Variants in TMC1 observed in about 807,000 individuals in gnomAD.
The protein encoded by TMC1 is transmembrane channel like 1.
TMC1 carries 84 observed loss-of-function variants against 105.8 expected under a neutral mutation model. The observed-to-expected ratio is 0.79, with a 90% CI of 0.67 to 0.95. The LOEUF (loss-of-function observed/expected upper bound fraction) is 0.95. Among genes scored for constraint, TMC1 ranks in the 40% least tolerant of loss-of-function variants. The probability of loss-of-function intolerance (pLI) is 0.00; values close to 1 mark genes in which losing one functional copy is unlikely to be tolerated. For missense variants in TMC1, 817 were observed against 914.1 expected (o/e 0.89, Z 1.37); for synonymous variants, 315 against 311.5 (o/e 1.01, Z -0.12).
chr9:72,549,550 C>T (rs1823824857), intron 1 of TMC1, among the ~76,000 whole-genome samples: 1 of 151,690 alleles, frequency 6.6e-6, no homozygotes, highest in Non-Finnish European at 1.5e-5. Context: ...TCAAGCAATT[C>T]TCTTACTTCA....
intron 5 of TMC1, among the ~76,000 whole-genome samples, chr9:72,680,278 T>G (rs1826265152): frequency 6.6e-6 from 1 of 152,146 alleles, no homozygotes; most frequent in Non-Finnish European, 1.5e-5. Context: ...TTAATTATAT[T>G]ACATGCCATA....
chr9:72,630,471 A>G (rs1825430384), intron 4 of TMC1, among the ~76,000 whole-genome samples: 1 of 152,236 alleles, frequency 6.6e-6, no homozygotes, highest in African/African-American at 2.4e-5. Context: ...GTACTTTATA[A>G]TAGGAAAGTT....
chr9:72,788,659 C>A (rs943862373), intron 14 of TMC1, among the ~76,000 whole-genome samples, 176 bp downstream of exon 14: 2 of 152,064 alleles, frequency 1.3e-5, no homozygotes, highest in Non-Finnish European at 2.9e-5. Context: ...CTTCCATGAC[C>A]CACAACAGCA....
intron 3 of TMC1, among the ~76,000 whole-genome samples, chr9:72,620,607 G>C (rs1320923826): frequency 6.6e-6 from 1 of 151,924 alleles, no homozygotes; most frequent in East Asian, 1.9e-4. Context: ...GCAAAATTTC[G>C]TACTTATCTC....
At chr9:72,765,911 A>G (rs1204581333) in intron 12 of TMC1, among the ~76,000 whole-genome samples, 2 of 152,224 alleles carry the variant, frequency 1.3e-5, no homozygotes, top group Non-Finnish European at 2.9e-5. Flanking sequence ...AGTACTTTCT[A>G]TAGAAGCCAG....
chr9:72,751,859 G>A lies in TMC1; in HGVS notation c.545G>A (p.Gly182Asp), dbSNP rs199560971. ...ATTTTCTTTGTAATAGGTCAGTTTG[G>A]CTCCTCAGTGGCCTCATACTTCCTC... ...NKIKAIESQF[G>D]SSVASYFLFL... The change falls in exon 11 of 24, where the codon GGC (glycine) becomes GAC (aspartate). Residue 182 changes from glycine to aspartate, a missense_variant. Physicochemically the swap from Gly to Asp is moderately conservative, Grantham distance 94. Transcript: ENST00000297784. 56 of 1,607,554 alleles carry A rather than the reference G, an allele frequency of 3.5e-5. No individual in the cohort carries two copies. The highest frequency in any genetic ancestry group is 4.3e-5 in the Non-Finnish European group (50 of 1,174,446).
chr9:72,592,386 T>C (rs1824653747), intron 2 of TMC1, among the ~76,000 whole-genome samples: 1 of 152,166 alleles, frequency 6.6e-6, no homozygotes, highest in Non-Finnish European at 1.5e-5. Flanking sequence ...ATGGCATCAG[T>C]CAGTTCTCTT....
chr9:72,580,698 A>C (rs1346257042), intron 2 of TMC1, among the ~76,000 whole-genome samples: 1 of 152,212 alleles, frequency 6.6e-6, no homozygotes, highest in Non-Finnish European at 1.5e-5. Context: ...ATTCTGCTCC[A>C]AGCTTGAATT....
chr9:72,590,259 C>T (rs1452615377), intron 2 of TMC1, among the ~76,000 whole-genome samples: 2 of 152,198 alleles, frequency 1.3e-5, no homozygotes, highest in Non-Finnish European at 2.9e-5. Context: ...GCCCTTTATA[C>T]TCTGACAGCC....
At chr9:72,670,908 T>C (rs547273953) in intron 5 of TMC1, among the ~76,000 whole-genome samples, 2 of 152,192 alleles carry the variant, frequency 1.3e-5, no homozygotes, top group African/African-American at 4.8e-5. Context: ...AATGGTGTAG[T>C]ATCACTTGAA....
intron 5 of TMC1, among the ~76,000 whole-genome samples, chr9:72,649,547 T>C (rs144795158): frequency 6.6e-6 from 1 of 152,322 alleles, no homozygotes; most frequent in East Asian, 1.9e-4. Context: ...ATCTGAGCAG[T>C]ACCCTATTTA....
intron 2 of TMC1, among the ~76,000 whole-genome samples, chr9:72,612,884 C>T (rs1400094269): frequency 6.6e-6 from 1 of 152,042 alleles, no homozygotes; most frequent in Non-Finnish European, 1.5e-5. Context: ...AAGACAGCCC[C>T]CACAACAAAA....
At chr9:72,643,810 G>A (rs1825666322) in intron 4 of TMC1, among the ~76,000 whole-genome samples, 1 of 152,166 alleles carries the variant, frequency 6.6e-6, no homozygotes, top group South Asian at 2.1e-4. Context: ...GAATGCCTAA[G>A]TCATATGGTA....
At chr9:72,789,938 A>G (rs1194991385) in intron 15 of TMC1, among the ~76,000 whole-genome samples, 3 of 152,200 alleles carry the variant, frequency 2.0e-5, no homozygotes, top group East Asian at 1.9e-4. Context: ...ATGCTATTCA[A>G]ATGAAGAAGG....
intron 1 of TMC1, among the ~76,000 whole-genome samples, chr9:72,570,998 T>G (rs534705396): frequency 6.7e-6 from 1 of 149,000 alleles, no homozygotes; most frequent in Admixed American, 6.7e-5. Context: ...CAAATCTCCA[T>G]TTTTGTAAAT....
At chr9:72,778,047 C>G (rs1429740806) in intron 13 of TMC1, among the ~76,000 whole-genome samples, 1 of 152,182 alleles carries the variant, frequency 6.6e-6, no homozygotes, top group African/African-American at 2.4e-5. Flanking sequence ...AAAGTCCTTG[C>G]CTCTGTGGTG....
At chr9:72,667,284 A>G (rs1826058689) in intron 5 of TMC1, among the ~76,000 whole-genome samples, 1 of 152,064 alleles carries the variant, frequency 6.6e-6, no homozygotes, top group South Asian at 2.1e-4. Context: ...TGAATTTTCT[A>G]CCCCGTGTCT....
chr9:72,639,457 A>AT (rs1241106143), intron 4 of TMC1, among the ~76,000 whole-genome samples: 3 of 152,110 alleles, frequency 2.0e-5, no homozygotes, highest in African/African-American at 4.8e-5. Context: ...ATATTCATGG[A>AT]TTTTTTAGAA....
rs749302129 is a variant in TMC1 at position 72,772,496 on chromosome 9, C to T, written c.825C>T (p.Leu275=). The change falls in exon 13 of 24, where the codon CTC becomes CTT. Residue 275 remains leucine, a synonymous_variant. Coordinates refer to ENST00000297784, the MANE Select transcript of TMC1 (RefSeq NM_138691.3). ...GATGGATGAATTTCAGGTTGCCGCT[C>T]TCCTATTTTCTAGTGGGGATTATGT... ...TIGWMNFRLP[L]SYFLVGIMCI... The T allele has an allele frequency of 5.6e-6, 9 of 1,613,790 alleles. No homozygotes were observed. In the South Asian group the frequency reaches 9.9e-5, roughly 18 times the overall value.
Sources: gnomAD v4.1 joint callset for allele counts (sites outside exome capture counted in the v4.1 genomes callset) on GRCh38, gnomAD v4.1.1 for gene constraint, MANE v1.5 for transcripts, NCBI Gene and HGNC (gene_info 2026-07-23, HGNC 2026-07-21) for gene names.